Variants in ERC2 observed in about 807,000 individuals in gnomAD.
The protein encoded by ERC2 is ERC protein 2.
ERC2 carries 42 observed loss-of-function variants against 114.8 expected under a neutral mutation model. The observed-to-expected ratio is 0.37, with a 90% CI of 0.29 to 0.47. The LOEUF is 0.47. Ranked by LOEUF, ERC2 falls within the 20% of genes least tolerant of loss-of-function variation. The pLI is 0.99. For synonymous variants in ERC2, 454 were observed against 425.5 expected (o/e 1.07, Z -0.82); for missense variants, 939 against 1,150.7 (o/e 0.82, Z 2.66).
At chr3:55,594,830 T>C (rs1701283766) in intron 17 of ERC2, among the ~76,000 whole-genome samples, 1 of 152,138 alleles carries the variant, frequency 6.6e-6, no homozygotes, top group Non-Finnish European at 1.5e-5. Context: ...GTTCTTTGAT[T>C]ACATGATAAC....
intron 16 of ERC2, among the ~76,000 whole-genome samples, chr3:55,690,328 T>C (rs1168540072): frequency 6.6e-6 from 1 of 152,202 alleles, no homozygotes; most frequent in Non-Finnish European, 1.5e-5. Context: ...ACATCAGTTA[T>C]AGAAAAAAAG....
At chr3:56,112,653 G>A (rs1473393227) in intron 6 of ERC2, among the ~76,000 whole-genome samples, 1 of 152,130 alleles carries the variant, frequency 6.6e-6, no homozygotes, top group Non-Finnish European at 1.5e-5. Context: ...AAGTTCAGGG[G>A]TAAACTGTAA....
rs1285371809 is a variant in ERC2, at chr3:55,903,922, T to G, written c.2404-15373A>C. 5.3e-5 allele frequency among the ~76,000 whole-genome samples: 8 copies of G among 152,356 alleles called. No individual in the cohort carries two copies. The East Asian group carries it at 1.5e-3, about 29-fold the overall frequency. On this transcript the variant is annotated intron_variant, in intron 13 of 17. Transcript: ENST00000288221. ...AGACTCACACACACATCCACTCTTT[T>G]GCCCAGTAGGTCAACAGCAGGAACA...
chr3:56,165,398 C>A (rs1415524086), intron 4 of ERC2, among the ~76,000 whole-genome samples: 2 of 151,794 alleles, frequency 1.3e-5, no homozygotes, highest in African/African-American at 2.4e-5. Flanking sequence ...TATACATGTG[C>A]CATGCTGGTG....
At chr3:55,972,456 T>C (rs765377584) in intron 12 of ERC2, among the ~76,000 whole-genome samples, 1 of 152,130 alleles carries the variant, frequency 6.6e-6, no homozygotes, top group Non-Finnish European at 1.5e-5. Context: ...GGCCACGGTG[T>C]GTGATGTTCT....
chr3:56,125,683 A>T (rs1381449013), intron 6 of ERC2, among the ~76,000 whole-genome samples: 1 of 152,200 alleles, frequency 6.6e-6, no homozygotes, highest in Non-Finnish European at 1.5e-5. Flanking sequence ...TCTCATAAAA[A>T]CAAAGACTTA....
chr3:56,290,911 G>A (rs553033154), intron 3 of ERC2, among the ~76,000 whole-genome samples: 29 of 152,160 alleles, frequency 1.9e-4, no homozygotes, highest in Non-Finnish European at 3.2e-4. Context: ...ACTGTGGCCT[G>A]TAAAGACTTG....
intron 13 of ERC2, among the ~76,000 whole-genome samples, chr3:55,918,193 C>A (rs963805960): frequency 6.6e-6 from 1 of 151,868 alleles, no homozygotes; most frequent in Non-Finnish European, 1.5e-5. Context: ...GGTCTTATGG[C>A]CATTTCTAGC....
chr3:56,434,637 A>C lies in ERC2; in HGVS notation c.371T>G (p.Leu124Arg), dbSNP rs2061937864. 6.2e-7 allele frequency: 1 copy of C among 1,613,852 alleles called. No individual in the cohort carries two copies. Among genetic ancestry groups the C allele is most frequent in the African/African-American group, 1.3e-5 (1 of 74,916 alleles). The part of the protein sequence containing the change: ...VLSYTDQHGG[L>R]TGSSHHHHHQ... ...GTGGTGATGATGGGATGAGCCAGTC[A>C]GCCCACCATGTTGATCTGTGTATGA... The change falls in exon 2 of 18, where the codon CTG (leucine) becomes CGG (arginine). Residue 124 changes from leucine (L) to arginine (R), a missense_variant. Physicochemically the swap from Leu to Arg is moderately radical, Grantham distance 102 (BLOSUM62 -2). Transcript: ENST00000288221.
chr3:56,256,384 T>C (rs1160444373), intron 3 of ERC2, among the ~76,000 whole-genome samples: 1 of 152,226 alleles, frequency 6.6e-6, no homozygotes, highest in Non-Finnish European at 1.5e-5. Flanking sequence ...GAGCTGACTG[T>C]GGCTCTGAAG....
intron 2 of ERC2, among the ~76,000 whole-genome samples, chr3:56,353,807 A>AAT (rs35237655): frequency 0.59 from 86,655 of 147,620 alleles, 25,670 homozygotes; most frequent in Middle Eastern, 0.68. Flanking sequence ...CGTATAATAA[A>AAT]ATATATATAT....
intron 2 of ERC2, among the ~76,000 whole-genome samples, chr3:56,416,474 T>A (rs2061159588): frequency 6.6e-6 from 1 of 151,948 alleles, no homozygotes; most frequent in African/African-American, 2.4e-5. Context: ...AAAGCTAACC[T>A]CCTTGTGAGA....
At chr3:56,410,943 T>C (rs2060919239) in intron 2 of ERC2, among the ~76,000 whole-genome samples, 1 of 151,660 alleles carries the variant, frequency 6.6e-6, no homozygotes, top group Non-Finnish European at 1.5e-5. Context: ...ATATGATATT[T>C]ATATGAATCA....
Position 55,583,532 on chromosome 3 carries a change from CCTTCCTTCCTTT to C in ERC2, c.*40-72268_*40-72257del, listed in dbSNP as rs1295808159. Among the ~76,000 whole-genome samples, 295 of 59,762 alleles carry C rather than the reference CCTTCCTTCCTTT, an allele frequency of 4.9e-3. 18 individuals carry two copies. The highest frequency in any genetic ancestry group is 0.018 in the Admixed American group (97 of 5,370). 39.2% of individuals were successfully genotyped at this position (59,762 alleles called of 152,430 possible). A position where few individuals can be genotyped will look rare whatever the true frequency, so the allele number is the denominator to read the frequency against. On this transcript the variant is annotated intron_variant, in intron 17 of 17. Coordinates refer to ENST00000288221, the MANE Select transcript of ERC2 (RefSeq NM_015576.3). ...CCCTCCCTCCCTCCCTCCCTTCCTT[CCTTCCTTCCTTT>C]CTTCCTTCCTTCCTTCCTTCCTTCC...
chr3:55,939,856 G>C (rs2066671434), intron 13 of ERC2, among the ~76,000 whole-genome samples: 1 of 152,212 alleles, frequency 6.6e-6, no homozygotes, highest in South Asian at 2.1e-4. Flanking sequence ...TGTGTATCTT[G>C]TGTCCAGACT....
At chr3:55,618,351 T>A (rs1486220460) in intron 17 of ERC2, among the ~76,000 whole-genome samples, 1 of 152,184 alleles carries the variant, frequency 6.6e-6, no homozygotes, top group Non-Finnish European at 1.5e-5. Flanking sequence ...TCAATATTAA[T>A]GTGCAACTTC....
chr3:56,121,826 C>T (rs1187656335), intron 6 of ERC2, among the ~76,000 whole-genome samples: 1 of 152,140 alleles, frequency 6.6e-6, no homozygotes, highest in Non-Finnish European at 1.5e-5. Flanking sequence ...AAGGAAACTA[C>T]AATGTTTGAG....
At chr3:55,841,313 G>T (rs138358579) in intron 14 of ERC2, among the ~76,000 whole-genome samples, 4,751 of 152,164 alleles carry the variant, frequency 0.031, 91 homozygotes, top group Middle Eastern at 0.075. Flanking sequence ...CTGTTCTCAT[G>T]ACAGTGAATA....
At chr3:55,814,621 T>C (rs1205130101) in intron 14 of ERC2, among the ~76,000 whole-genome samples, 3 of 152,248 alleles carry the variant, frequency 2.0e-5, no homozygotes, top group African/African-American at 4.8e-5. Context: ...AATCTTTCTA[T>C]AGAAGTAGTT....
Sources: allele counts gnomAD v4.1 joint callset (sites outside exome capture counted in the v4.1 genomes callset), GRCh38; gene constraint gnomAD v4.1.1; transcripts MANE v1.5; gene names NCBI Gene and HGNC (gene_info 2026-07-23, HGNC 2026-07-21).